The following LSAMP variants were observed in gnomAD, a reference collection of about 807,000 sequenced individuals.
LSAMP encodes the protein limbic system associated membrane protein, also known as limbic system-associated membrane protein.
In LSAMP, 7 loss-of-function variants were observed where a neutral mutation model predicts 38.6. The ratio of observed to expected loss-of-function variants is 0.18; its 90% CI spans 0.10 to 0.34. The LOEUF (loss-of-function observed/expected upper bound fraction) is 0.34. Among genes scored for constraint, LSAMP ranks in the 10% least tolerant of loss-of-function variants. The pLI is 1.00. For missense variants in LSAMP, 313 were observed against 420.0 expected (o/e 0.75, Z 2.23); for synonymous variants, 154 against 166.8 (o/e 0.92, Z 0.59).
intron 1 of LSAMP, among the ~76,000 whole-genome samples, chr3:116,306,985 A>G (rs2047493169): frequency 6.6e-6 from 1 of 151,998 alleles, no homozygotes; most frequent in South Asian, 2.1e-4. Context: ...GTGGGAAATG[A>G]ACCTTTGGAA....
intron 1 of LSAMP, among the ~76,000 whole-genome samples, chr3:116,422,187 C>A (rs907370634): frequency 7.2e-5 from 11 of 152,156 alleles, no homozygotes; most frequent in Non-Finnish European, 2.9e-5. Flanking sequence ...CAAAATACTT[C>A]GTAGTGTATG....
chr3:116,306,064 A>G (rs889187306), intron 1 of LSAMP, among the ~76,000 whole-genome samples: 1 of 152,022 alleles, frequency 6.6e-6, no homozygotes, highest in African/African-American at 2.4e-5. Flanking sequence ...TGTTTATTCA[A>G]CAAATATTCA....
intron 2 of LSAMP, among the ~76,000 whole-genome samples, chr3:116,061,405 C>T (rs2864060): frequency 0.13 from 19,143 of 151,184 alleles, 1,320 homozygotes; most frequent in Non-Finnish European, 0.16. Flanking sequence ...CTGTCATGGC[C>T]GGGCCTTAAT....
At chr3:116,009,588 G>A (rs1360211200) in intron 3 of LSAMP, among the ~76,000 whole-genome samples, 4 of 152,108 alleles carry the variant, frequency 2.6e-5, no homozygotes, top group Admixed American at 6.6e-5. Context: ...GGGTAATTCC[G>A]ATGATCAGCC....
chr3:115,862,446 C>T (rs1250589677), intron 3 of LSAMP, among the ~76,000 whole-genome samples: 1 of 152,172 alleles, frequency 6.6e-6, no homozygotes, highest in African/African-American at 2.4e-5. Context: ...CTTAACAGAA[C>T]CTGATGTTGC....
Position 116,210,315 on chromosome 3 carries a change from A to C in LSAMP, c.156-123759T>G, listed in dbSNP as rs376895061. Among the ~76,000 whole-genome samples, 6 of 152,324 alleles carry C rather than the reference A, an allele frequency of 3.9e-5. No individual in the cohort carries two copies. In the East Asian group the frequency reaches 1.2e-3, roughly 29 times the overall value. On this transcript the variant is annotated intron_variant, in intron 1 of 6. Coordinates refer to ENST00000490035, the MANE Select transcript of LSAMP (RefSeq NM_002338.5). ...TTAGTGGGTTTGGAGAGGCAGATCC[A>C]TCCTCAGTCTGAGTGGGCACCATCT...
intron 6 of LSAMP, among the ~76,000 whole-genome samples, chr3:115,828,982 G>A (rs1424581748): frequency 6.6e-6 from 1 of 152,178 alleles, no homozygotes; most frequent in Admixed American, 6.5e-5. Flanking sequence ...CTAGGCACTA[G>A]AAAGGACTAA....
At chr3:116,157,075 T>C (rs1709768938) in intron 1 of LSAMP, among the ~76,000 whole-genome samples, 6 of 152,028 alleles carry the variant, frequency 3.9e-5, no homozygotes, top group Admixed American at 2.0e-4. Context: ...TTCAAATACT[T>C]TGGATTATTA....
chr3:116,341,486 A>T (rs955355173), intron 1 of LSAMP, among the ~76,000 whole-genome samples: 5 of 152,014 alleles, frequency 3.3e-5, no homozygotes, highest in Admixed American at 2.6e-4. Flanking sequence ...ATGTCATATA[A>T]ATTGACCAGA....
chr3:116,141,350 A>G (rs1489750387), intron 1 of LSAMP, among the ~76,000 whole-genome samples: 1 of 151,838 alleles, frequency 6.6e-6, no homozygotes, highest in African/African-American at 2.4e-5. Flanking sequence ...AGTGAGAAGA[A>G]ATGGAGGGGG....
At chr3:115,856,245 C>T (rs58104560) in intron 3 of LSAMP, among the ~76,000 whole-genome samples, 7 of 152,206 alleles carry the variant, frequency 4.6e-5, no homozygotes, top group South Asian at 2.1e-4. Context: ...AAAGTGATGA[C>T]GGTATTTGGA....
At chr3:115,927,537 A>G (rs145630028) in intron 3 of LSAMP, among the ~76,000 whole-genome samples, 462 of 152,186 alleles carry the variant, frequency 3.0e-3, no homozygotes, top group Non-Finnish European at 4.5e-3. Flanking sequence ...CACCCCACAT[A>G]ACCATGGTTA....
intron 6 of LSAMP, among the ~76,000 whole-genome samples, chr3:115,812,562 T>C (rs1351190668): frequency 6.6e-6 from 1 of 152,146 alleles, no homozygotes; most frequent in Non-Finnish European, 1.5e-5. Flanking sequence ...CTGGTAGGAA[T>C]GTTACTTTCC....
intron 3 of LSAMP, among the ~76,000 whole-genome samples, chr3:115,957,657 C>T (rs1468398020): frequency 6.6e-6 from 1 of 152,156 alleles, no homozygotes; most frequent in Non-Finnish European, 1.5e-5. Flanking sequence ...CTCAAATGCC[C>T]GCATGGTATA....
chr3:116,176,292 A>G (rs975833831), intron 1 of LSAMP, among the ~76,000 whole-genome samples: 1 of 152,148 alleles, frequency 6.6e-6, no homozygotes, highest in Admixed American at 6.6e-5. Flanking sequence ...GTAGGGAGGT[A>G]TTAGCTTGCA....
In LSAMP at chr3:116,211,834, T is replaced by C. The variant is rs191411122; in HGVS notation, c.156-125278A>G. On this transcript the variant is annotated intron_variant, in intron 1 of 6. Transcript: ENST00000490035. ...TATATCATTTCTGGTCTAATGTGGA[T>C]GATGCCATCTTCCAGCCCTTAGTTT... Among the ~76,000 whole-genome samples the C allele has an allele frequency of 7.9e-5, 12 of 152,320 alleles. 1 individual carries two copies. The highest frequency in any genetic ancestry group is 5.9e-4 in the Admixed American group (9 of 15,294).
At chr3:116,307,798 T>A (rs2107713510) in intron 1 of LSAMP, among the ~76,000 whole-genome samples, 1 of 151,996 alleles carries the variant, frequency 6.6e-6, no homozygotes, top group Admixed American at 6.6e-5. Flanking sequence ...TTTCACATTA[T>A]AAAATTGACT....
intron 1 of LSAMP, among the ~76,000 whole-genome samples, chr3:116,272,274 C>A (rs1055508232): frequency 5.9e-5 from 9 of 152,214 alleles, no homozygotes; most frequent in East Asian, 5.8e-4. Flanking sequence ...GGGACTGAGA[C>A]AACTAATTCA....
chr3:116,330,028 A>G (rs2047827164), intron 1 of LSAMP, among the ~76,000 whole-genome samples: 1 of 152,184 alleles, frequency 6.6e-6, no homozygotes. Flanking sequence ...TTTAATCAAA[A>G]GGGTAATTAA....
Sources: gnomAD v4.1 joint callset for allele counts (sites outside exome capture counted in the v4.1 genomes callset) on GRCh38, gnomAD v4.1.1 for gene constraint, MANE v1.5 for transcripts, NCBI Gene and HGNC (gene_info 2026-07-23, HGNC 2026-07-21) for gene names.